DCX: variants seen among roughly 807,000 people sequenced by gnomAD.
DCX encodes neuronal migration protein doublecortin.
Under a neutral mutation model 20.9 loss-of-function variants are expected in DCX, and 4 were observed. That is an observed-to-expected ratio of 0.19 (90% CI 0.09 to 0.44). DCX has a LOEUF of 0.44. DCX is among the 20% of genes least tolerant of loss of function. The pLI, the probability that DCX is intolerant of heterozygous loss-of-function variation, is 0.99. For missense variants in DCX, 133 were observed against 296.9 expected (o/e 0.45, Z 4.06); for synonymous variants, 103 against 111.4 (o/e 0.92, Z 0.47).
At chrX:111,310,345 A>G (rs1400855537) in intron 6 of DCX, among the ~76,000 whole-genome samples, 5 of 110,913 alleles carry the variant, frequency 4.5e-5, no homozygotes, top group Non-Finnish European at 9.4e-5. Flanking sequence ...AAAATAAATA[A>G]ATAAATAAAT....
chrX:111,346,843 T>C (rs1569491257), intron 3 of DCX, among the ~76,000 whole-genome samples: 1 of 111,903 alleles, frequency 8.9e-6, no homozygotes, highest in Non-Finnish European at 1.9e-5. Flanking sequence ...ATAAAACTGT[T>C]AAAAAAAGAA....
rs1924088816 is a variant in DCX at position 111,360,156 on chromosome X, G to C, written c.706-27003C>G. On this transcript the variant is annotated intron_variant, in intron 3 of 6. Transcript: ENST00000636035. Reference sequence around the variant, plus strand: ...CAGCTGTTAAAAGAATGCAGGGGTTGCAGCACTGTTCACAATAGCAAAGAC... The same window carrying C: ...CAGCTGTTAAAAGAATGCAGGGGTTCCAGCACTGTTCACAATAGCAAAGAC... 4.5e-5 allele frequency among the ~76,000 whole-genome samples: 5 copies of C among 111,882 alleles called. No homozygotes were observed. In the Admixed American group the frequency reaches 4.8e-4, roughly 11 times the overall value.
chrX:111,367,887 C>A (rs2147703779), intron 3 of DCX, among the ~76,000 whole-genome samples: 1 of 111,515 alleles, frequency 9.0e-6, no homozygotes, highest in Non-Finnish European at 1.9e-5. Context: ...AGTGGTGGGC[C>A]CTTTTTCCCC....
chrX:111,300,178 C>T lies in DCX; in HGVS notation c.*1509G>A, dbSNP rs933246747. The T allele has an allele frequency of 2.7e-5, 3 of 111,861 alleles. No homozygotes were observed. Among genetic ancestry groups the T allele is most frequent in the Admixed American group, 9.5e-5 (1 of 10,535 alleles). 9.2% of individuals were successfully genotyped at this position (111,861 alleles called of 1,213,427 possible). ...AGAAATAAGGAAATCTTCATATCTGCTAAAAGCAAACACAGAATTGGCATG... is the reference window on the plus strand; with the variant it reads ...AGAAATAAGGAAATCTTCATATCTGTTAAAAGCAAACACAGAATTGGCATG... On this transcript the variant is annotated 3_prime_UTR_variant, in exon 7 of 7. Coordinates refer to ENST00000636035, the MANE Select transcript of DCX (RefSeq NM_001195553.2).
At chrX:111,341,102 A>T (rs1222367484) in intron 3 of DCX, among the ~76,000 whole-genome samples, 1 of 110,686 alleles carries the variant, frequency 9.0e-6, no homozygotes, top group Admixed American at 9.6e-5. Context: ...GTTCTAACCC[A>T]ATGCAAAGAA....
intron 3 of DCX, among the ~76,000 whole-genome samples, chrX:111,393,482 T>G (rs1927104345): frequency 9.0e-6 from 1 of 111,680 alleles, no homozygotes; most frequent in African/African-American, 3.2e-5. Context: ...TAAATCAGAC[T>G]TCATCAAAAT....
At chrX:111,341,194 C>A (rs900374195) in intron 3 of DCX, among the ~76,000 whole-genome samples, 10 of 109,709 alleles carry the variant, frequency 9.1e-5, no homozygotes, top group African/African-American at 3.3e-4. Flanking sequence ...CCTGATGGAG[C>A]TGAACAACAC....
intron 3 of DCX, among the ~76,000 whole-genome samples, chrX:111,352,865 G>T (rs1170281233): frequency 5.4e-5 from 6 of 110,644 alleles, no homozygotes; most frequent in African/African-American, 2.0e-4. Flanking sequence ...GAGAGAGAGA[G>T]AGAGAGAGAG....
rs185796489 is a variant in DCX, at chrX:111,298,823, T to C, written c.*2864A>G. On this transcript the variant is annotated 3_prime_UTR_variant, in exon 7 of 7. Coordinates refer to ENST00000636035, the MANE Select transcript of DCX (RefSeq NM_001195553.2). Reference sequence around the variant, plus strand: ...AGGAGCTTTTCTCTCAATTTACCCCTAGTTAATACTACTTATGAAGTTAGT... The same window carrying C: ...AGGAGCTTTTCTCTCAATTTACCCCCAGTTAATACTACTTATGAAGTTAGT... 414 of 112,210 alleles carry C rather than the reference T, an allele frequency of 3.7e-3. No homozygotes were observed. Among genetic ancestry groups the C allele is most frequent in the Non-Finnish European group, 6.9e-3 (368 of 53,207 alleles). The allele number at this position is 112,210 out of a possible 1,213,427, so 9.2% of individuals were successfully genotyped here. A position where few individuals can be genotyped will look rare whatever the true frequency, so the allele number is the denominator to read the frequency against.
At chrX:111,390,056 T>C (rs1926818394) in intron 3 of DCX, among the ~76,000 whole-genome samples, 1 of 111,806 alleles carries the variant, frequency 8.9e-6, no homozygotes, top group African/African-American at 3.2e-5. Context: ...CATGACCCCA[T>C]TAAAAGCAGA....
chrX:111,377,358 G>A (rs774500585), intron 3 of DCX, among the ~76,000 whole-genome samples: 3 of 111,754 alleles, frequency 2.7e-5, no homozygotes, highest in Non-Finnish European at 3.8e-5. Flanking sequence ...TCTTTGTGCT[G>A]AGAAATTGTT....
intron 5 of DCX, among the ~76,000 whole-genome samples, chrX:111,327,549 A>G (rs2095102307): frequency 8.9e-6 from 1 of 112,411 alleles, no homozygotes; most frequent in Non-Finnish European, 1.9e-5. Flanking sequence ...TAAATAACTG[A>G]TAACAATGGA....
At chrX:111,363,201 A>C (rs1419106441) in intron 3 of DCX, among the ~76,000 whole-genome samples, 4 of 111,079 alleles carry the variant, frequency 3.6e-5, no homozygotes, top group Non-Finnish European at 3.8e-5. Flanking sequence ...TAAGGGACAG[A>C]AAGCCCTGCC....
At chrX:111,329,383 T>A (rs1001556474) in intron 5 of DCX, among the ~76,000 whole-genome samples, 1 of 111,633 alleles carries the variant, frequency 9.0e-6, no homozygotes, top group Admixed American at 9.6e-5. Context: ...TACTGGAGCA[T>A]CTACTAGGGG....
At chrX:111,398,295 C>A (rs1927497659) in intron 3 of DCX, among the ~76,000 whole-genome samples, 1 of 106,510 alleles carries the variant, frequency 9.4e-6, no homozygotes, top group Non-Finnish European at 1.9e-5. Flanking sequence ...TTCATTCAAT[C>A]AAAAAACATT....
At chrX:111,331,822 T>C (rs1211853793) in intron 4 of DCX, among the ~76,000 whole-genome samples, 1 of 112,404 alleles carries the variant, frequency 8.9e-6, no homozygotes, top group East Asian at 2.8e-4. Flanking sequence ...TTAGAAGGAT[T>C]ATTATTCTCA....
intron 5 of DCX, among the ~76,000 whole-genome samples, chrX:111,327,497 G>A (rs777315401): frequency 8.9e-6 from 1 of 112,177 alleles, no homozygotes; most frequent in African/African-American, 3.2e-5. Context: ...CTGGTTATCC[G>A]CTTTTGTTTC....
chrX:111,343,694 C>T lies in DCX; in HGVS notation c.706-10541G>A, dbSNP rs1331386612. On this transcript the variant is annotated intron_variant, in intron 3 of 6. Coordinates refer to ENST00000636035, the MANE Select transcript of DCX (RefSeq NM_001195553.2). ...AGATGCAAAAATTTTCAATAAAATA[C>T]TGGCAGGCTGGGTGCGGCAGCTCAC... Among the ~76,000 whole-genome samples the T allele has an allele frequency of 2.7e-5, 3 of 111,875 alleles. No homozygotes were observed. The East Asian group carries it at 8.4e-4, about 31-fold the overall frequency.
At chrX:111,389,399 G>C (rs960351836) in intron 3 of DCX, among the ~76,000 whole-genome samples, 1 of 111,074 alleles carries the variant, frequency 9.0e-6, no homozygotes, top group African/African-American at 3.3e-5. Flanking sequence ...CCCTTGGTAA[G>C]CTCATCTACT....
Sources: allele counts gnomAD v4.1 joint callset (sites outside exome capture counted in the v4.1 genomes callset), GRCh38; gene constraint gnomAD v4.1.1; transcripts MANE v1.5; gene names NCBI Gene and HGNC (gene_info 2026-07-23, HGNC 2026-07-21).